Variants in STK32B observed in about 807,000 individuals in gnomAD.
STK32B encodes serine/threonine-protein kinase 32B.
A neutral mutation model predicts 52.6 loss-of-function variants in STK32B; 43 were observed. That is an observed-to-expected ratio of 0.82 (90% confidence interval 0.64 to 1.05). The LOEUF (loss-of-function observed/expected upper bound fraction) is 1.05, where lower values mean the gene tolerates loss of function less well. Ranked by LOEUF, STK32B falls within the 50% of genes least tolerant of loss-of-function variation. The pLI is 0.00. For missense variants in STK32B, 621 were observed against 534.6 expected (o/e 1.16, Z -1.59); for synonymous variants, 238 against 204.3 (o/e 1.17, Z -1.41).
At chr4:5,416,695 A>G (rs959984821) in intron 5 of STK32B, 150 bp from the exon 6 acceptor site, 4 of 577,678 alleles carry the variant, frequency 6.9e-6, no homozygotes, top group East Asian at 5.9e-5. Context: ...TGCACACAAA[A>G]TAAACATTTT....
chr4:5,028,514 G>C, the STK32B span, among the ~76,000 whole-genome samples: 1 of 152,234 alleles, frequency 6.6e-6, no homozygotes, highest in Non-Finnish European at 1.5e-5. Flanking sequence ...GCAGCTGTAA[G>C]AGCCTGTGCT....
intron 3 of STK32B, among the ~76,000 whole-genome samples, chr4:5,203,609 T>C (rs1351362023): frequency 6.6e-6 from 1 of 152,312 alleles, no homozygotes; most frequent in East Asian, 1.9e-4. Flanking sequence ...ATGTTCCTTT[T>C]ACTCTGTTAT....
intron 6 of STK32B, among the ~76,000 whole-genome samples, chr4:5,442,044 T>C (rs1445667281): frequency 1.5e-4 from 16 of 109,690 alleles, no homozygotes; most frequent in South Asian, 4.6e-4. Flanking sequence ...AATTTTGGAA[T>C]AGGTGTGGTG....
chr4:5,185,857 C>G (rs1010489026), intron 3 of STK32B, among the ~76,000 whole-genome samples: 23 of 152,208 alleles, frequency 1.5e-4, no homozygotes, highest in African/African-American at 5.3e-4. Context: ...ACACTATGTA[C>G]AGTCTCATCC....
chr4:5,387,541 G>A (rs1736337682), intron 4 of STK32B, among the ~76,000 whole-genome samples: 1 of 152,132 alleles, frequency 6.6e-6, no homozygotes, highest in African/African-American at 2.4e-5. Flanking sequence ...GGGTGCAGAG[G>A]AGTTGACCAG....
intron 4 of STK32B, among the ~76,000 whole-genome samples, chr4:5,351,036 A>G (rs768631419): frequency 6.6e-6 from 1 of 152,072 alleles, no homozygotes; most frequent in Non-Finnish European, 1.5e-5. Flanking sequence ...TTAATATCCC[A>G]CTTGCAGCAT....
intron 1 of STK32B, among the ~76,000 whole-genome samples, chr4:5,074,186 A>ATGTG (rs768254579): frequency 8.0e-5 from 7 of 87,052 alleles, no homozygotes; most frequent in African/African-American, 2.4e-4. Flanking sequence ...GTAAATATAT[A>ATGTG]TATGTGTGTG....
chr4:5,308,470 ATATT>A (rs141962876), intron 3 of STK32B, among the ~76,000 whole-genome samples: 16,404 of 152,134 alleles, frequency 0.11, 1,047 homozygotes, highest in African/African-American at 0.19. Flanking sequence ...CCTTAGTAAA[ATATT>A]TATTTTTGTG....
chr4:5,160,543 T>A (rs1718358687), intron 2 of STK32B, among the ~76,000 whole-genome samples: 1 of 151,834 alleles, frequency 6.6e-6, no homozygotes, highest in South Asian at 2.1e-4. Context: ...CTTTTCCGGA[T>A]TGCCTTTCCC....
At chr4:5,452,188 ACCTGGTGTTAG>A (rs1055122408) in intron 7 of STK32B, among the ~76,000 whole-genome samples, 1 of 152,092 alleles carries the variant, frequency 6.6e-6, no homozygotes, top group African/African-American at 2.4e-5. Flanking sequence ...CACCTCCCTG[ACCTGGTGTTAG>A]CCTTGCCTTT....
intron 1 of STK32B, among the ~76,000 whole-genome samples, chr4:5,089,756 C>G (rs1216134961): frequency 2.0e-5 from 3 of 152,070 alleles, no homozygotes; most frequent in Admixed American, 6.6e-5. Context: ...ATTTTTGGTT[C>G]CAGATCCCTA....
At chr4:5,028,776 C>A in the STK32B span, among the ~76,000 whole-genome samples, 71 of 152,210 alleles carry the variant, frequency 4.7e-4, no homozygotes, top group African/African-American at 1.6e-3. Flanking sequence ...TCTACAATGA[C>A]CCCTGTATTA....
rs191005611 is a variant in STK32B, at chr4:5,343,449, C to A, written c.434+12056C>A. On this transcript the variant is annotated intron_variant, in intron 4 of 11. Transcript: ENST00000282908. Reference sequence around the variant, plus strand: ...TCTTTATAGTAGCATGATTTATAATCCTTTGGCTATATACCCAGTAATGGG... The same window carrying A: ...TCTTTATAGTAGCATGATTTATAATACTTTGGCTATATACCCAGTAATGGG... 2.1e-3 allele frequency among the ~76,000 whole-genome samples: 324 copies of A among 152,204 alleles called. 1 individual carries two copies. The highest frequency in any genetic ancestry group is 3.5e-3 in the Non-Finnish European group (238 of 68,020).
chr4:5,364,654 G>C (rs1734760827), intron 4 of STK32B, among the ~76,000 whole-genome samples: 2 of 152,166 alleles, frequency 1.3e-5, no homozygotes, highest in African/African-American at 4.8e-5. Flanking sequence ...CTGGTGGGCT[G>C]TGCCCCAGGG....
intron 4 of STK32B, among the ~76,000 whole-genome samples, chr4:5,355,812 GCAAC>G (rs1201524564): frequency 6.6e-6 from 1 of 152,156 alleles, no homozygotes; most frequent in Non-Finnish European, 1.5e-5. Context: ...CCACAGCTAT[GCAAC>G]CTCTCAACTT....
intron 11 of STK32B, among the ~76,000 whole-genome samples, chr4:5,481,277 A>G (rs1718683112): frequency 6.6e-6 from 1 of 152,136 alleles, no homozygotes; most frequent in Admixed American, 6.6e-5. Context: ...TTGCCATTCT[A>G]ACTGGTGTGA....
At chr4:5,304,786 C>A (rs750856049) in intron 3 of STK32B, among the ~76,000 whole-genome samples, 1 of 151,898 alleles carries the variant, frequency 6.6e-6, no homozygotes, top group Non-Finnish European at 1.5e-5. Context: ...GGGGTGCTTT[C>A]AACTTTTTTC....
chr4:5,484,194 A>T (rs1002681289), intron 11 of STK32B, among the ~76,000 whole-genome samples: 1 of 152,106 alleles, frequency 6.6e-6, no homozygotes, highest in Non-Finnish European at 1.5e-5. Context: ...GGGGTGTTAA[A>T]GTCTCCCATT....
At chr4:5,052,298 G>T (rs1282669639) in intron 1 of STK32B, among the ~76,000 whole-genome samples, 1 of 152,110 alleles carries the variant, frequency 6.6e-6, no homozygotes. Context: ...GACGGAGGTG[G>T]CCTGGAAGGG....
Sources: gnomAD v4.1 joint callset for allele counts (sites outside exome capture counted in the v4.1 genomes callset) on GRCh38, gnomAD v4.1.1 for gene constraint, MANE v1.5 for transcripts, NCBI Gene and HGNC (gene_info 2026-07-23, HGNC 2026-07-21) for gene names.